The following MMP17 variants were observed in gnomAD, a reference collection of about 807,000 sequenced individuals.
MMP17 encodes matrix metalloproteinase-17.
Under a neutral mutation model 49.1 loss-of-function variants are expected in MMP17, and 54 were observed. That is an observed-to-expected ratio of 1.10 (90% CI 0.88 to 1.38). The LOEUF (loss-of-function observed/expected upper bound fraction) is 1.38. MMP17 is among the 40% of genes most tolerant of loss of function. The pLI, the probability that MMP17 is intolerant of heterozygous loss-of-function variation, is 0.00. For missense variants in MMP17, 837 were observed against 853.7 expected (o/e 0.98, Z 0.24); for synonymous variants, 397 against 383.1 (o/e 1.04, Z -0.42).
chr12:131,840,800 A>G lies in MMP17; in HGVS notation c.650A>G (p.His217Arg), dbSNP rs1887361142. 1 of 1,606,494 alleles carries G rather than the reference A, an allele frequency of 6.2e-7. No individual in the cohort carries two copies. Among genetic ancestry groups the G allele is most frequent in the African/African-American group, 1.3e-5 (1 of 74,868 alleles). Reference sequence around the variant, plus strand: ...CACGCCTTCTTCCCCGGCCACCACCACACCGCCGGGGACACCCACTTTGAC... The same window carrying G: ...CACGCCTTCTTCCCCGGCCACCACCGCACCGCCGGGGACACCCACTTTGAC... Reference protein sequence around the residue: ...VAHAFFPGHHHTAGDTHFDDD... With the variant: ...VAHAFFPGHHRTAGDTHFDDD... The change falls in exon 4 of 10, where the codon CAC (histidine) becomes CGC (arginine). Residue 217 changes from histidine (H) to arginine (R), a missense_variant. Coordinates refer to ENST00000360564, the MANE Select transcript of MMP17 (RefSeq NM_016155.7).
At chr12:131,848,844 C>A (rs921969070) in intron 8 of MMP17, among the ~76,000 whole-genome samples, 1 of 152,208 alleles carries the variant, frequency 6.6e-6, no homozygotes, top group Non-Finnish European at 1.5e-5. Context: ...CTACTCTGGG[C>A]TCCTGTGAAG....
chr12:131,848,029 C>T (rs1202267976), intron 8 of MMP17, among the ~76,000 whole-genome samples: 1 of 152,210 alleles, frequency 6.6e-6, no homozygotes, highest in Non-Finnish European at 1.5e-5. Context: ...CAGCCCTTTC[C>T]AGTCTCCAGC....
rs554133667 is a variant in MMP17 at position 131,828,663 on chromosome 12, C to T, written c.159+10C>T. The T allele has an allele frequency of 2.1e-5, 8 of 388,322 alleles. No homozygotes were observed. In the East Asian group the frequency reaches 5.1e-4, roughly 25 times the overall value. The allele number at this position is 388,322 out of a possible 1,614,324, so 24.1% of individuals were successfully genotyped here. ...CCTCAGCCTGGGAGTGGTGAGCGCGCGGGCGGGACGGGCGCGGAGCTCCTG... is the reference window on the plus strand; with the variant it reads ...CCTCAGCCTGGGAGTGGTGAGCGCGTGGGCGGGACGGGCGCGGAGCTCCTG... On this transcript the variant is annotated intron_variant, in intron 1 of 9. Transcript: ENST00000360564.
In MMP17 at chr12:131,828,422, G is replaced by A; in HGVS notation, c.-73G>A. ...CGGCGGGGGCGCCGCGGAGAGCGGA[G>A]GGCGCCGGGCTGCGGAACGCGAAGC... On this transcript the variant is annotated 5_prime_UTR_variant, in exon 1 of 10. Transcript: ENST00000360564. 1.1e-6 allele frequency: 1 copy of A among 874,414 alleles called. No homozygotes were observed. The highest frequency in any genetic ancestry group is 1.4e-6 in the Non-Finnish European group (1 of 728,582). The allele number at this position is 874,414 out of a possible 1,614,324, so 54.2% of individuals were successfully genotyped here. A position where few individuals can be genotyped will look rare whatever the true frequency, so the allele number is the denominator to read the frequency against.
chr12:131,841,554 C>A (rs1371382225), intron 4 of MMP17, 70 bp from the exon 5 acceptor site: 2 of 1,521,384 alleles, frequency 1.3e-6, no homozygotes, highest in Non-Finnish European at 1.8e-6. Context: ...ATGGTGGGGG[C>A]CTGCTGGTCC....
intron 6 of MMP17, chr12:131,844,839 G>C: frequency 2.2e-6 from 1 of 451,298 alleles, no homozygotes; most frequent in Non-Finnish European, 4.1e-6. Context: ...ACCCAGCCAG[G>C]CCCAGGGTGC....
chr12:131,849,741 A>G (rs1434573190), intron 8 of MMP17, 61 bp from the exon 9 acceptor site: 20 of 1,544,548 alleles, frequency 1.3e-5, no homozygotes, highest in Non-Finnish European at 1.4e-5. Flanking sequence ...GAAAGGCAGG[A>G]GCCTCCTGCC....
chr12:131,839,508 C>G (rs1887272071), intron 3 of MMP17, among the ~76,000 whole-genome samples: 1 of 151,884 alleles, frequency 6.6e-6, no homozygotes, highest in Non-Finnish European at 1.5e-5. Flanking sequence ...CACAGAGTCT[C>G]TTTCACCCAG....
intron 5 of MMP17, among the ~76,000 whole-genome samples, chr12:131,843,161 G>C (rs1251978293): frequency 2.0e-5 from 3 of 151,916 alleles, no homozygotes; most frequent in Non-Finnish European, 4.4e-5. Flanking sequence ...GTAGAGACGG[G>C]GTTTCACTGT....
In MMP17 at chr12:131,840,859, G is replaced by T; in HGVS notation, c.706+3G>T. On this transcript the variant is annotated splice_donor_region_variant and intron_variant, in intron 4 of 9. Transcript: ENST00000360564. ...GGCCTGGACCTTCCGCTCCTCGGGT[G>T]CGTCTGGGGCAGCCCTCAGGGCAGA... 6.3e-7 allele frequency: 1 copy of T among 1,587,632 alleles called. No individual in the cohort carries two copies.
rs150622351 is a variant in MMP17 at position 131,847,612 on chromosome 12, A to T, written c.1204+2163A>T. ...TGCCTTGCACACATTAGAAGTGTTCAGGCCGCTTCCCCCAGGTGGACCCGT... is the reference window on the plus strand; with the variant it reads ...TGCCTTGCACACATTAGAAGTGTTCTGGCCGCTTCCCCCAGGTGGACCCGT... On this transcript the variant is annotated intron_variant, in intron 8 of 9. Transcript: ENST00000360564. Among the ~76,000 whole-genome samples the T allele has an allele frequency of 4.4e-3, 671 of 152,346 alleles. 1 individual carries two copies. Among genetic ancestry groups the T allele is most frequent in the Middle Eastern group, 0.01 (3 of 294 alleles).
chr12:131,844,611 C>T (rs1030635511), intron 6 of MMP17: 8 of 216,136 alleles, frequency 3.7e-5, no homozygotes, highest in Non-Finnish European at 5.5e-5. Context: ...CTTGTGCCAC[C>T]CAGCCCCAGA....
At chr12:131,835,405 A>G (rs1477378280) in intron 1 of MMP17, among the ~76,000 whole-genome samples, 1 of 152,200 alleles carries the variant, frequency 6.6e-6, no homozygotes, top group Non-Finnish European at 1.5e-5. Context: ...ATTGGGCAAC[A>G]TTCCACAGCC....
chr12:131,839,450 C>G (rs1327887659), intron 3 of MMP17, among the ~76,000 whole-genome samples: 1 of 151,984 alleles, frequency 6.6e-6, no homozygotes, highest in Non-Finnish European at 1.5e-5. Flanking sequence ...GTAGCTGGGA[C>G]TGCAGGTGCA....
Position 131,851,281 on chromosome 12 carries a change from G to A in MMP17, c.*7G>A, listed in dbSNP as rs1203138449. The A allele has an allele frequency of 1.4e-6, 2 of 1,400,828 alleles. No homozygotes were observed. Among genetic ancestry groups the A allele is most frequent in the East Asian group, 5.7e-5 (2 of 34,996 alleles). The allele number at this position is 1,400,828 out of a possible 1,614,324, so 86.8% of individuals were successfully genotyped here. On this transcript the variant is annotated 3_prime_UTR_variant, in exon 10 of 10. Coordinates refer to ENST00000360564, the MANE Select transcript of MMP17 (RefSeq NM_016155.7). ...CCAGGCCCTGACGCTATGACACACA[G>A]CGCGAGCCCATGAGAGGACAGAGGC...
intron 1 of MMP17, among the ~76,000 whole-genome samples, chr12:131,832,391 G>C (rs939983299): frequency 7.0e-6 from 1 of 141,872 alleles, no homozygotes; most frequent in Non-Finnish European, 1.5e-5. Flanking sequence ...GGGGGAACGG[G>C]AAGGGGGAAG....
chr12:131,840,474 A>G, intron 3 of MMP17, 99 bp from the exon 4 acceptor site: 1 of 1,342,484 alleles, frequency 7.4e-7, no homozygotes, highest in Non-Finnish European at 1.0e-6. Flanking sequence ...AGACCCTCAT[A>G]GGGGCACCCC....
At position 131,850,673 on chromosome 12, in the gene MMP17, C is replaced by T. The variant is rs373664496; in HGVS notation, c.1463-252C>T. Among the ~76,000 whole-genome samples the T allele has an allele frequency of 2.4e-4, 36 of 152,318 alleles. No homozygotes were observed. The East Asian group carries it at 6.0e-3, about 25-fold the overall frequency. ...CTGTGACCATGCCTGCAGAGCTGCC[C>T]ACAGCTGAGCAGATGCTGACCCCAT... On this transcript the variant is annotated intron_variant, in intron 9 of 9. Transcript: ENST00000360564.
chr12:131,850,114 G>A, intron 9 of MMP17, 55 bp downstream of exon 9: 1 of 1,535,766 alleles, frequency 6.5e-7, no homozygotes, highest in Non-Finnish European at 8.8e-7. Flanking sequence ...CACCAGGAGA[G>A]GGGCATCACT....
Sources: gnomAD v4.1 joint callset for allele counts (sites outside exome capture counted in the v4.1 genomes callset) on GRCh38, gnomAD v4.1.1 for gene constraint, MANE v1.5 for transcripts, NCBI Gene and HGNC (gene_info 2026-07-23, HGNC 2026-07-21) for gene names.